CACNA1E: variants seen among roughly 807,000 people sequenced by gnomAD.
CACNA1E encodes calcium voltage-gated channel subunit alpha1 E.
In CACNA1E, 40 loss-of-function variants were observed where a neutral mutation model predicts 259.2. The ratio of observed to expected loss-of-function variants is 0.15; its 90% CI spans 0.12 to 0.20. The LOEUF (loss-of-function observed/expected upper bound fraction) is 0.20. CACNA1E is among the 10% of genes least tolerant of loss of function. The probability of loss-of-function intolerance (pLI) is 1.00; values close to 1 mark genes in which losing one functional copy is unlikely to be tolerated. For missense variants in CACNA1E, 1,874 were observed against 3,040.1 expected (o/e 0.62, Z 9.02); for synonymous variants, 1,104 against 1,138.5 (o/e 0.97, Z 0.61).
intron 9 of CACNA1E, 119 bp downstream of exon 9, chr1:181,715,510 G>C: frequency 1.5e-6 from 1 of 650,068 alleles, no homozygotes; most frequent in South Asian, 1.8e-5. Context: ...TTGGAAATGA[G>C]AGTCTTTCTG....
chr1:181,323,877 A>T (rs1187819478), intron 1 of CACNA1E, among the ~76,000 whole-genome samples: 1 of 152,156 alleles, frequency 6.6e-6, no homozygotes, highest in Non-Finnish European at 1.5e-5. Context: ...TCGGTGCTGA[A>T]GTCTGAGAGT....
At chr1:181,455,907 A>G (rs1016892785) in intron 2 of CACNA1E, among the ~76,000 whole-genome samples, 2 of 152,214 alleles carry the variant, frequency 1.3e-5, no homozygotes. Flanking sequence ...AGGGAATGGA[A>G]GAAGGCTCAA....
chr1:181,596,557 C>CATGTGTGTGTGT (rs371621474), intron 6 of CACNA1E, among the ~76,000 whole-genome samples: 3 of 140,490 alleles, frequency 2.1e-5, no homozygotes, highest in Non-Finnish European at 4.6e-5. Flanking sequence ...CCACCATGTA[C>CATGTGTGTGTGT]GTGTGTGTGT....
At chr1:181,588,025 T>C (rs1652260104) in intron 6 of CACNA1E, among the ~76,000 whole-genome samples, 1 of 152,220 alleles carries the variant, frequency 6.6e-6, no homozygotes, top group African/African-American at 2.4e-5. Flanking sequence ...ATTTCTAATT[T>C]GATGCTCGCA....
intron 6 of CACNA1E, among the ~76,000 whole-genome samples, chr1:181,649,531 C>T (rs533556614): frequency 1.9e-4 from 29 of 152,216 alleles, no homozygotes; most frequent in Non-Finnish European, 1.0e-4. Context: ...ATAAATCATT[C>T]GGTTATAAAA....
chr1:181,599,751 C>G (rs1392036538), intron 6 of CACNA1E, among the ~76,000 whole-genome samples: 1 of 152,176 alleles, frequency 6.6e-6, no homozygotes, highest in Non-Finnish European at 1.5e-5. Context: ...GATATAGGAT[C>G]AAGCTATCAG....
chr1:181,585,032 A>G (rs1413958895), intron 6 of CACNA1E, among the ~76,000 whole-genome samples: 2 of 151,784 alleles, frequency 1.3e-5, no homozygotes. Flanking sequence ...GCCTCAAACA[A>G]CCCCATCTGG....
intron 1 of CACNA1E, among the ~76,000 whole-genome samples, chr1:181,499,145 G>A (rs1665029977): frequency 6.6e-6 from 1 of 152,168 alleles, no homozygotes; most frequent in Admixed American, 6.5e-5. Flanking sequence ...GTAAAACCAA[G>A]AGCAGATCTC....
At chr1:181,772,950 A>G (rs1395110440) in intron 37 of CACNA1E, among the ~76,000 whole-genome samples, 1 of 152,164 alleles carries the variant, frequency 6.6e-6, no homozygotes, top group Non-Finnish European at 1.5e-5. Flanking sequence ...AGAAACTTCT[A>G]CCCTGCATAT....
chr1:181,796,296 A>G (rs1661799298), intron 46 of CACNA1E, among the ~76,000 whole-genome samples: 1 of 152,182 alleles, frequency 6.6e-6, no homozygotes, highest in African/African-American at 2.4e-5. Flanking sequence ...CAGACTGGGT[A>G]GATTCAATAA....
Position 181,468,545 on chromosome 1 carries a change from G to A in CACNA1E, c.435-15199G>A, listed in dbSNP as rs1343315393. ...TGTATTCAGAGTCCACTAGACATAA[G>A]GCAGTGCATTAGTTACTATGGAGAA... On this transcript the variant is annotated intron_variant, in intron 2 of 11. Coordinates refer to the CACNA1E transcript ENST00000524607. Among the ~76,000 whole-genome samples the A allele has an allele frequency of 2.0e-5, 3 of 152,146 alleles. No homozygotes were observed. The South Asian group carries it at 6.2e-4, about 32-fold the overall frequency.
At chr1:181,522,880 C>T (rs1412659976) in intron 3 of CACNA1E, among the ~76,000 whole-genome samples, 1 of 152,252 alleles carries the variant, frequency 6.6e-6, no homozygotes, top group Non-Finnish European at 1.5e-5. Flanking sequence ...CACATCCCCT[C>T]TTCAGATGAG....
intron 34 of CACNA1E, among the ~76,000 whole-genome samples, chr1:181,765,155 C>T (rs945724852): frequency 2.0e-5 from 3 of 150,410 alleles, no homozygotes; most frequent in African/African-American, 7.5e-5. Context: ...TATACCTCCC[C>T]CACCCTCCCT....
intron 1 of CACNA1E, among the ~76,000 whole-genome samples, chr1:181,340,184 C>T (rs1215197505): frequency 2.0e-5 from 3 of 151,800 alleles, no homozygotes; most frequent in African/African-American, 4.8e-5. Context: ...CATGTCTACT[C>T]ACTTGTCCCA....
rs552151042 is a variant in CACNA1E, at chr1:181,685,104, A to C, written c.1056-25850A>C. Among the ~76,000 whole-genome samples the C allele has an allele frequency of 2.6e-3, 394 of 151,540 alleles. 5 individuals are homozygous for C. Among genetic ancestry groups the C allele is most frequent in the African/African-American group, 9.1e-3 (378 of 41,368 alleles). ...ACATCCAGCATCATGTCTGCTGCAT[A>C]GTATATACTAATTAGGAGAATTTGA... On this transcript the variant is annotated intron_variant, in intron 7 of 47. Transcript: ENST00000367573.
Position 181,732,533 on chromosome 1 carries a change from C to A in CACNA1E, c.2447C>A (p.Ser816Tyr), listed in dbSNP as rs1558319276. 6.4e-7 allele frequency: 1 copy of A among 1,551,296 alleles called. No homozygotes were observed. The highest frequency in any genetic ancestry group is 8.7e-7 in the Non-Finnish European group (1 of 1,146,780). Residue 816 changes from serine to tyrosine, a missense_variant, in exon 20 of 48, where the codon TCC (serine) becomes TAC (tyrosine). This residue lies in a region of CACNA1E where 476 missense variants were observed against 514.0 expected (regional missense o/e 0.93). Transcript: ENST00000367573. The surrounding 1 kb of genome is among the most constrained non-coding windows in gnomAD (Gnocchi z 5.5). Reference sequence around the variant, plus strand: ...CTCAACCCCCTCAACCCGCTCAGCTCCCTCAACCCGCTCAATGCCCACCCC... The same window carrying A: ...CTCAACCCCCTCAACCCGCTCAGCTACCTCAACCCGCTCAATGCCCACCCC... ...NPLNPLNPLS[S>Y]LNPLNAHPSL...
intron 6 of CACNA1E, among the ~76,000 whole-genome samples, chr1:181,649,711 A>G (rs954405944): frequency 5.9e-5 from 9 of 152,244 alleles, no homozygotes; most frequent in African/African-American, 2.2e-4. Context: ...AGGAACATGG[A>G]TGGAGCTGGA....
At chr1:181,772,357 A>C in intron 37 of CACNA1E, 126 bp downstream of exon 37, 2 of 870,024 alleles carry the variant, frequency 2.3e-6, no homozygotes, top group Non-Finnish European at 1.8e-6. Flanking sequence ...CTCTCTCCAC[A>C]CCCCCACCAT....
chr1:181,734,726 A>G (rs1655871128), intron 21 of CACNA1E, among the ~76,000 whole-genome samples: 1 of 125,934 alleles, frequency 7.9e-6, no homozygotes, highest in South Asian at 2.7e-4. Context: ...TCATCCCTGC[A>G]TTATGAATTC....
Sources: allele counts gnomAD v4.1 joint callset (sites outside exome capture counted in the v4.1 genomes callset), GRCh38; gene constraint gnomAD v4.1.1; regional missense constraint gnomAD v4.1.1; non-coding constraint Gnocchi (gnomAD v3.1); transcripts MANE v1.5; gene names NCBI Gene and HGNC (gene_info 2026-07-23, HGNC 2026-07-21).